The following NBPF9 variants were observed in gnomAD, a reference collection of about 807,000 sequenced individuals.
NBPF9 encodes NBPF family member NBPF9.
Under a neutral mutation model 97.8 loss-of-function variants are expected in NBPF9, and 91 were observed. That is an observed-to-expected ratio of 0.93 (90% CI 0.79 to 1.11). NBPF9 has a LOEUF of 1.11. NBPF9 is among the 50% of genes least tolerant of loss of function. The pLI is 0.00. For missense variants in NBPF9, 992 were observed against 939.5 expected, an observed-to-expected ratio of 1.06 and a Z score of -0.73; for synonymous variants, 334 against 359.5, an observed-to-expected ratio of 0.93 and a Z score of 0.80.
At chr1:149,059,308 A>G in intron 25 of NBPF9, 1 of 485,618 alleles carries the variant, frequency 2.1e-6, no homozygotes, top group East Asian at 2.8e-5. Context: ...AGAGACAGAG[A>G]CAGAGAGAAA....
intron 5 of NBPF9, among the ~76,000 whole-genome samples, 198 bp from the exon 6 acceptor site, chr1:149,082,628 C>G (rs2080580088): frequency 7.1e-6 from 1 of 140,518 alleles, no homozygotes; most frequent in Non-Finnish European, 1.5e-5. Context: ...CGTGTCTTTC[C>G]CAATACATCT....
At chr1:149,064,139 A>G (rs2078857996) in intron 19 of NBPF9, among the ~76,000 whole-genome samples, 1 of 138,220 alleles carries the variant, frequency 7.2e-6, no homozygotes, top group Non-Finnish European at 1.5e-5. Context: ...TGATCATGAA[A>G]AGCATGTCCT....
exon 9 of NBPF9, chr1:149,079,220 G>C: frequency 3.7e-6 from 3 of 815,754 alleles, no homozygotes; most frequent in Non-Finnish European, 6.6e-6. Flanking sequence ...ACTTTATATT[G>C]CCTAAGGTGA....
exon 20 of NBPF9, chr1:149,063,789 G>A: frequency 1.6e-6 from 1 of 617,982 alleles, no homozygotes; most frequent in South Asian, 2.0e-5. Context: ...TTCTCATCCA[G>A]CAGCTCCCTG....
chr1:149,097,304 G>A (rs1289658631), intron 4 of NBPF9, among the ~76,000 whole-genome samples: 8 of 152,318 alleles, frequency 5.3e-5, no homozygotes, highest in African/African-American at 1.4e-4. Flanking sequence ...ATTGGAGAGA[G>A]ACGCACTACT....
At chr1:149,068,424 G>A (rs1553652244) in intron 17 of NBPF9, among the ~76,000 whole-genome samples, 1 of 149,772 alleles carries the variant, frequency 6.7e-6, no homozygotes, top group Non-Finnish European at 1.5e-5. Context: ...ATAAAGGGAT[G>A]GAGGAAGATC....
At chr1:149,089,071 C>G (rs2081237622) in intron 5 of NBPF9, among the ~76,000 whole-genome samples, 1 of 151,854 alleles carries the variant, frequency 6.6e-6, no homozygotes. Flanking sequence ...CGCCTTGTCT[C>G]TAGACAGCCA....
chr1:149,082,810 C>T (rs2080601723), intron 5 of NBPF9, among the ~76,000 whole-genome samples: 1 of 146,450 alleles, frequency 6.8e-6, no homozygotes, highest in Non-Finnish European at 1.5e-5. Context: ...GACAGAGTCT[C>T]ACTCTGTCGC....
intron 9 of NBPF9, 51 bp downstream of exon 9, chr1:149,078,956 G>A: frequency 1.8e-6 from 2 of 1,128,484 alleles, no homozygotes; most frequent in South Asian, 1.3e-5. Flanking sequence ...GAGGTCTGGA[G>A]CCTCTCATAA....
chr1:149,085,261 A>T (rs2080895996), intron 5 of NBPF9, among the ~76,000 whole-genome samples: 1 of 152,170 alleles, frequency 6.6e-6, no homozygotes, highest in Non-Finnish European at 1.5e-5. Flanking sequence ...ACTAAAAAAA[A>T]ATCAATAACT....
At chr1:149,081,679 T>C (rs1553247881) in intron 7 of NBPF9, among the ~76,000 whole-genome samples, 4 of 144,924 alleles carry the variant, frequency 2.8e-5, no homozygotes, top group South Asian at 2.4e-4. Flanking sequence ...CTTGAAAACA[T>C]GATTGAGCCT....
chr1:149,093,449 A>G (rs2081544067), intron 4 of NBPF9, among the ~76,000 whole-genome samples: 2 of 151,660 alleles, frequency 1.3e-5, no homozygotes, highest in South Asian at 4.2e-4. Flanking sequence ...GGGCTGGGGG[A>G]CAGTCAGGTC....
At position 149,061,503 on chromosome 1, in the gene NBPF9, G is replaced by A. The variant is rs1379536730; in HGVS notation, c.2252-120C>T. The A allele has an allele frequency of 1.0e-5, 5 of 486,090 alleles. 1 individual carries two copies. Among genetic ancestry groups the A allele is most frequent in the Non-Finnish European group, 1.9e-5 (5 of 267,422 alleles). 30.1% of individuals were successfully genotyped at this position (486,090 alleles called of 1,614,324 possible). A position where few individuals can be genotyped will look rare whatever the true frequency, so the allele number is the denominator to read the frequency against. On this transcript the variant is annotated intron_variant, in intron 22 of 29. Coordinates refer to ENST00000584027, the Ensembl canonical transcript of NBPF9. Reference sequence around the variant, plus strand: ...CCTCAGCATGAGCACAGGACAATGTGACAGATATACTTCAGGAAGCCTGAA... The same window carrying A: ...CCTCAGCATGAGCACAGGACAATGTAACAGATATACTTCAGGAAGCCTGAA...
At chr1:149,085,784 A>G (rs2080943277) in intron 5 of NBPF9, among the ~76,000 whole-genome samples, 1 of 151,630 alleles carries the variant, frequency 6.6e-6, no homozygotes, top group African/African-American at 2.4e-5. Flanking sequence ...ATTTCGGTAC[A>G]ACAGACTGCA....
At chr1:149,079,894 A>C (rs1465798574) in intron 8 of NBPF9, among the ~76,000 whole-genome samples, 159 bp downstream of exon 8, 2 of 152,300 alleles carry the variant, frequency 1.3e-5, no homozygotes, top group African/African-American at 4.8e-5. Context: ...ACTTATTATT[A>C]TCCTTGTTCT....
intron 5 of NBPF9, among the ~76,000 whole-genome samples, chr1:149,085,717 C>T (rs1553658247): frequency 6.6e-6 from 1 of 151,568 alleles, no homozygotes; most frequent in South Asian, 2.1e-4. Flanking sequence ...CATTTTCTAG[C>T]TGCTAATTGC....
At chr1:149,068,155 C>T (rs1346013297) in intron 17 of NBPF9, among the ~76,000 whole-genome samples, 9 of 148,932 alleles carry the variant, frequency 6.0e-5, no homozygotes, top group Non-Finnish European at 8.8e-5. Flanking sequence ...ACAACCGGTA[C>T]CAGCCACTGC....
intron 2 of NBPF9, among the ~76,000 whole-genome samples, chr1:149,102,018 T>A: frequency 9.9e-6 from 1 of 100,876 alleles, no homozygotes. Flanking sequence ...AATCTCAACC[T>A]CCTGGGCTCT....
intron 4 of NBPF9, among the ~76,000 whole-genome samples, chr1:149,093,931 T>TA (rs1395897794): frequency 2.3e-5 from 3 of 129,770 alleles, no homozygotes; most frequent in African/African-American, 8.9e-5. Context: ...GGTCAAGAGT[T>TA]AGAGACCAAC....
Sources: gnomAD v4.1 joint callset for allele counts (sites outside exome capture counted in the v4.1 genomes callset) on GRCh38, gnomAD v4.1.1 for gene constraint, MANE v1.5 for transcripts, NCBI Gene and HGNC (gene_info 2026-07-23, HGNC 2026-07-21) for gene names.